Variants in ADCY2 observed in about 807,000 individuals in gnomAD.
ADCY2 encodes adenylate cyclase 2, also known as adenylate cyclase type 2.
ADCY2 carries 31 observed loss-of-function variants against 125.2 expected under a neutral mutation model. The observed-to-expected ratio is 0.25, with a 90% CI of 0.19 to 0.33. ADCY2 has a LOEUF of 0.33. Ranked by LOEUF, ADCY2 falls within the 10% of genes least tolerant of loss-of-function variation. The probability of loss-of-function intolerance (pLI) is 1.00; values close to 1 mark genes in which losing one functional copy is unlikely to be tolerated. For synonymous variants in ADCY2, 512 were observed against 548.4 expected, an observed-to-expected ratio of 0.93 and a Z score of 0.93; for missense variants, 904 against 1,418.2, an observed-to-expected ratio of 0.64 and a Z score of 5.82.
intron 23 of ADCY2, among the ~76,000 whole-genome samples, chr5:7,818,713 G>A (rs187243021): frequency 2.3e-4 from 35 of 151,810 alleles, no homozygotes; most frequent in Non-Finnish European, 4.0e-4. Context: ...AACCCCTATC[G>A]GGGGCTCTAC....
In ADCY2 at chr5:7,709,743, C is replaced by T. The variant is rs948578419; in HGVS notation, c.1578+356C>T. On this transcript the variant is annotated intron_variant, in intron 10 of 24. Transcript: ENST00000338316. The surrounding 1 kb of genome is among the most constrained non-coding windows in gnomAD (Gnocchi z 4.4). ...GAGGTTCTTAATAAAAAGACAAAGG[C>T]ATGATGCCCTTGGAGTTTAAGTAGT... Among the ~76,000 whole-genome samples the T allele has an allele frequency of 6.6e-6, 1 of 152,170 alleles. No individual in the cohort carries two copies. The highest frequency in any genetic ancestry group is 2.4e-5 in the African/African-American group (1 of 41,430).
At chr5:7,670,863 C>T (rs183122852) in intron 4 of ADCY2, among the ~76,000 whole-genome samples, 201 of 152,304 alleles carry the variant, frequency 1.3e-3, no homozygotes, top group African/African-American at 4.4e-3. Flanking sequence ...TCCTGCTCTG[C>T]GGCCCAGTTC....
chr5:7,525,411 A>T (rs1260893257), intron 3 of ADCY2, among the ~76,000 whole-genome samples: 1 of 152,086 alleles, frequency 6.6e-6, no homozygotes, highest in Non-Finnish European at 1.5e-5. Context: ...CCATCTTTGG[A>T]GCCCTTTCCT....
intron 2 of ADCY2, among the ~76,000 whole-genome samples, chr5:7,512,623 G>A (rs1744110270): frequency 6.6e-6 from 1 of 152,136 alleles, no homozygotes; most frequent in Non-Finnish European, 1.5e-5. Flanking sequence ...CATATTCCAG[G>A]CCTGTTTTGA....
At chr5:7,666,019 T>C (rs2126698531) in intron 4 of ADCY2, among the ~76,000 whole-genome samples, 1 of 150,772 alleles carries the variant, frequency 6.6e-6, no homozygotes, top group South Asian at 2.1e-4. Flanking sequence ...TTTGTATTTT[T>C]AGTAGAGACA....
chr5:7,412,437 T>C (rs1739761062), intron 1 of ADCY2, among the ~76,000 whole-genome samples: 1 of 152,178 alleles, frequency 6.6e-6, no homozygotes, highest in African/African-American at 2.4e-5. Flanking sequence ...GGTCATAATC[T>C]CAGATTTGAT....
intron 3 of ADCY2, among the ~76,000 whole-genome samples, chr5:7,530,142 TG>T (rs1375947781): frequency 6.6e-6 from 1 of 152,222 alleles, no homozygotes; most frequent in African/African-American, 2.4e-5. Context: ...TTGCTGGCCT[TG>T]GTGCTGATTA....
intron 4 of ADCY2, among the ~76,000 whole-genome samples, chr5:7,650,523 G>C (rs551880452): frequency 6.6e-6 from 1 of 152,240 alleles, no homozygotes; most frequent in Non-Finnish European, 1.5e-5. Flanking sequence ...AGTAGCAGAA[G>C]TGCACCTCCA....
At chr5:7,654,718 AAC>A (rs1161441375) in intron 4 of ADCY2, among the ~76,000 whole-genome samples, 1 of 152,194 alleles carries the variant, frequency 6.6e-6, no homozygotes, top group African/African-American at 2.4e-5. Context: ...CACCCATGCA[AAC>A]ACAGAGGGGT....
intron 22 of ADCY2, among the ~76,000 whole-genome samples, chr5:7,816,466 AG>A (rs1471627999): frequency 6.6e-6 from 1 of 152,252 alleles, no homozygotes; most frequent in African/African-American, 2.4e-5. Flanking sequence ...CCTAGCGGTC[AG>A]GCCACCAGAG....
intron 17 of ADCY2, among the ~76,000 whole-genome samples, chr5:7,768,550 AT>A (rs961103550): frequency 6.6e-6 from 1 of 152,272 alleles, no homozygotes; most frequent in Admixed American, 6.5e-5. Context: ...TAGCTGCAAT[AT>A]TTTTTTAAAT....
intron 3 of ADCY2, among the ~76,000 whole-genome samples, chr5:7,582,364 A>G (rs938402130): frequency 3.3e-5 from 5 of 152,156 alleles, no homozygotes; most frequent in African/African-American, 4.8e-5. Context: ...AATAACACCA[A>G]TCTTACACAA....
At chr5:7,686,309 G>A (rs1740518838) in intron 4 of ADCY2, among the ~76,000 whole-genome samples, 2 of 152,204 alleles carry the variant, frequency 1.3e-5, no homozygotes. Context: ...AGCTCAGATT[G>A]TTCTGAACTT....
chr5:7,637,852 A>C (rs1241523332), intron 4 of ADCY2, among the ~76,000 whole-genome samples: 2 of 152,256 alleles, frequency 1.3e-5, no homozygotes, highest in African/African-American at 4.8e-5. Flanking sequence ...AAGAACTGCT[A>C]TCCAGAGCAT....
Position 7,695,761 on chromosome 5 carries a change from C to T in ADCY2, c.879C>T (p.Tyr293=), listed in dbSNP as rs1160193160. The change falls in exon 6 of 25, where the codon TAC becomes TAT. Residue 293 remains tyrosine, a synonymous_variant. Transcript: ENST00000338316. ...TCCTTTCTTCCCACAGCATCTTATA[C>T]GCTGACATCGTTGGCTTTACCCGGC... is the stretch of plus-strand genomic sequence containing the variant. The part of the protein sequence containing the change: ...VKRHTNVSIL[Y]ADIVGFTRLA... 6.8e-6 allele frequency: 11 copies of T among 1,610,562 alleles called. No homozygotes were observed. In the East Asian group the frequency reaches 8.9e-5, roughly 13 times the overall value.
At chr5:7,577,312 G>A (rs1020593222) in intron 3 of ADCY2, among the ~76,000 whole-genome samples, 1 of 152,220 alleles carries the variant, frequency 6.6e-6, no homozygotes, top group Non-Finnish European at 1.5e-5. Flanking sequence ...TAGTCTTAAA[G>A]CATGTGCATG....
chr5:7,402,650 G>A (rs1323934263), intron 1 of ADCY2, among the ~76,000 whole-genome samples: 1 of 152,222 alleles, frequency 6.6e-6, no homozygotes, highest in Admixed American at 6.5e-5. Flanking sequence ...TCATAGAGAT[G>A]TGTAAGGCAG....
At chr5:7,651,787 G>A (rs530090176) in intron 4 of ADCY2, among the ~76,000 whole-genome samples, 2 of 152,066 alleles carry the variant, frequency 1.3e-5, no homozygotes, top group East Asian at 3.9e-4. Context: ...CAACCTTCAC[G>A]TCTTTTTATT....
At chr5:7,540,980 C>A (rs115891399) in intron 3 of ADCY2, among the ~76,000 whole-genome samples, 2 of 152,168 alleles carry the variant, frequency 1.3e-5, no homozygotes, top group African/African-American at 4.8e-5. Flanking sequence ...CAGCTGAGAA[C>A]GTTCTCCTAA....
Sources: allele counts gnomAD v4.1 joint callset (sites outside exome capture counted in the v4.1 genomes callset), GRCh38; gene constraint gnomAD v4.1.1; non-coding constraint Gnocchi (gnomAD v3.1); transcripts MANE v1.5; gene names NCBI Gene and HGNC (gene_info 2026-07-23, HGNC 2026-07-21).